OTUD7A: variants seen among roughly 807,000 people sequenced by gnomAD.
OTUD7A encodes the protein OTU domain-containing protein 7A.
OTUD7A carries 12 observed loss-of-function variants against 65.7 expected under a neutral mutation model. The ratio of observed to expected loss-of-function variants is 0.18; its 90% CI spans 0.12 to 0.30. The LOEUF is 0.30. Ranked by LOEUF, OTUD7A falls within the 10% of genes least tolerant of loss-of-function variation. OTUD7A has a pLI of 1.00. For synonymous variants in OTUD7A, 641 were observed against 586.3 expected (o/e 1.09, Z -1.35); for missense variants, 1,148 against 1,304.8 (o/e 0.88, Z 1.85).
At chr15:31,501,501 T>C (rs12912052) in intron 10 of OTUD7A, among the ~76,000 whole-genome samples, 189 bp downstream of exon 10, 6,201 of 152,304 alleles carry the variant, frequency 0.041, 168 homozygotes, top group Middle Eastern at 0.065. Flanking sequence ...TTTAACATTG[T>C]TATTTTCAAT....
chr15:31,703,416 A>G (rs1426073015), intron 1 of OTUD7A, among the ~76,000 whole-genome samples: 1 of 151,992 alleles, frequency 6.6e-6, no homozygotes, highest in Non-Finnish European at 1.5e-5. Flanking sequence ...TGGCAAAAAA[A>G]CCACAAAGAG....
At chr15:31,774,579 A>G (rs1359687538) in intron 1 of OTUD7A, among the ~76,000 whole-genome samples, 2 of 152,212 alleles carry the variant, frequency 1.3e-5, no homozygotes, top group African/African-American at 4.8e-5. Flanking sequence ...ACATGTTAGT[A>G]TCAGGCACAT....
At chr15:31,640,052 A>T (rs559377901) in intron 3 of OTUD7A, among the ~76,000 whole-genome samples, 1 of 152,308 alleles carries the variant, frequency 6.6e-6, no homozygotes, top group African/African-American at 2.4e-5. Context: ...TGGATTGTTC[A>T]TGGGGTATCA....
At chr15:31,656,606 G>A (rs1218786079) in intron 2 of OTUD7A, among the ~76,000 whole-genome samples, 6 of 152,008 alleles carry the variant, frequency 3.9e-5, no homozygotes, top group Admixed American at 1.3e-4. Flanking sequence ...ATATTGTGGG[G>A]TGAGTTTGAA....
At chr15:31,495,765 T>C (rs921861414) in intron 10 of OTUD7A, among the ~76,000 whole-genome samples, 1 of 152,218 alleles carries the variant, frequency 6.6e-6, no homozygotes, top group African/African-American at 2.4e-5. Context: ...GCACTTCTGG[T>C]TTCCAAAACC....
At chr15:31,666,490 T>A (rs1478053191) in intron 1 of OTUD7A, among the ~76,000 whole-genome samples, 3 of 152,156 alleles carry the variant, frequency 2.0e-5, no homozygotes, top group Non-Finnish European at 4.4e-5. Flanking sequence ...ATATCTCCCG[T>A]TTGTTTCTTA....
rs2041045400 is a variant in OTUD7A, at chr15:31,477,775, G to A, written c.*5519C>T. 1 of 151,956 alleles carries A rather than the reference G, an allele frequency of 6.6e-6. No homozygotes were observed. Among genetic ancestry groups the A allele is most frequent in the African/African-American group, 2.4e-5 (1 of 41,356 alleles). 9.4% of individuals were successfully genotyped at this position (151,956 alleles called of 1,614,324 possible). A position where few individuals can be genotyped will look rare whatever the true frequency, so the allele number is the denominator to read the frequency against. ...ATATAAAAGTTCCTGCCCACATGGA[G>A]CTTACAGTCTATGGGAGATGGGGAG... On this transcript the variant is annotated 3_prime_UTR_variant, in exon 13 of 13. Transcript: ENST00000307050.
At chr15:31,704,589 T>C (rs973792676) in intron 1 of OTUD7A, among the ~76,000 whole-genome samples, 8 of 150,926 alleles carry the variant, frequency 5.3e-5, no homozygotes, top group African/African-American at 1.9e-4. Flanking sequence ...TCCACTTCCT[T>C]GCTGTTCACA....
chr15:31,627,893 T>G (rs570037592), intron 3 of OTUD7A, among the ~76,000 whole-genome samples: 1 of 152,264 alleles, frequency 6.6e-6, no homozygotes, highest in African/African-American at 2.4e-5. Context: ...TGTCTTCTTT[T>G]GAGAAGTGTC....
At chr15:31,512,267 G>A (rs535469686) in intron 8 of OTUD7A, among the ~76,000 whole-genome samples, 4 of 151,538 alleles carry the variant, frequency 2.6e-5, no homozygotes, top group African/African-American at 4.9e-5. Flanking sequence ...TCCACATACC[G>A]GGTGGGTTTT....
At chr15:31,753,705 T>TATATATATATGTGATATATAACCTGTG (rs1894716471) in intron 1 of OTUD7A, among the ~76,000 whole-genome samples, 2 of 78,434 alleles carry the variant, frequency 2.5e-5, no homozygotes, top group African/African-American at 1.9e-4. Flanking sequence ...ATATATATTA[T>TATATATATATGTGATATATAACCTGTG]ATATATATAT....
intron 1 of OTUD7A, among the ~76,000 whole-genome samples, chr15:31,820,752 TA>T (rs1896658516): frequency 6.6e-6 from 1 of 152,230 alleles, no homozygotes; most frequent in Non-Finnish European, 1.5e-5. Flanking sequence ...AGATTCTTTT[TA>T]TTTTTTCAAT....
intron 1 of OTUD7A, among the ~76,000 whole-genome samples, chr15:31,724,890 CA>C (rs918071457): frequency 3.3e-5 from 5 of 151,548 alleles, no homozygotes; most frequent in African/African-American, 1.2e-4. Context: ...AAGAGAGGGG[CA>C]GGGGTGGGGG....
At chr15:31,521,183 G>A (rs981179987) in intron 8 of OTUD7A, among the ~76,000 whole-genome samples, 3 of 152,150 alleles carry the variant, frequency 2.0e-5, no homozygotes, top group African/African-American at 7.2e-5. Flanking sequence ...CACTACTTGG[G>A]TAATGGGTAC....
intron 1 of OTUD7A, among the ~76,000 whole-genome samples, chr15:31,822,157 A>G (rs1896698463): frequency 6.6e-6 from 1 of 152,182 alleles, no homozygotes; most frequent in South Asian, 2.1e-4. Flanking sequence ...GTCTTTTGGT[A>G]TCGTACAGTG....
intron 10 of OTUD7A, among the ~76,000 whole-genome samples, chr15:31,497,317 T>C (rs1353255400): frequency 2.0e-5 from 3 of 152,108 alleles, no homozygotes; most frequent in Admixed American, 1.3e-4. Context: ...TGACGCAAGC[T>C]TGGCTCACTG....
At chr15:31,827,555 C>A (rs1156257568) in intron 1 of OTUD7A, among the ~76,000 whole-genome samples, 2 of 152,252 alleles carry the variant, frequency 1.3e-5, no homozygotes, top group East Asian at 3.9e-4. Context: ...AATGACAGAG[C>A]CAAGTCTGGC....
At chr15:31,642,466 T>A (rs1480005954) in intron 3 of OTUD7A, among the ~76,000 whole-genome samples, 1 of 152,220 alleles carries the variant, frequency 6.6e-6, no homozygotes, top group Non-Finnish European at 1.5e-5. Context: ...GCTGGTATAA[T>A]TTTTTCTTTA....
At position 31,570,119 on chromosome 15, in the gene OTUD7A, A is replaced by G. The variant is rs1353332756; in HGVS notation, c.230T>C (p.Val77Ala). The part of the protein sequence containing the change: ...RQVHTANLPH[V>A]FNEGRGPKQP... ...CTTGGGACCCCGCCCTTCATTGAAC[A>G]CATGTGGCAGATTGGCTGTGTGCAC... Residue 77 changes from valine (V) to alanine (A), a missense_variant, in exon 4 of 13, where the codon GTG becomes GCG. Transcript: ENST00000307050. The G allele has an allele frequency of 1.2e-6, 2 of 1,614,122 alleles. No homozygotes were observed. Among genetic ancestry groups the G allele is most frequent in the Non-Finnish European group, 1.7e-6 (2 of 1,180,020 alleles).
Sources: allele counts gnomAD v4.1 joint callset (sites outside exome capture counted in the v4.1 genomes callset), GRCh38; gene constraint gnomAD v4.1.1; transcripts MANE v1.5; gene names NCBI Gene and HGNC (gene_info 2026-07-23, HGNC 2026-07-21).